Variants in CFAP92 observed in about 807,000 individuals in gnomAD.
The protein encoded by CFAP92 is cilia and flagella associated protein 92 (putative).
A neutral mutation model predicts 106.3 loss-of-function variants in CFAP92; 86 were observed. That is an observed-to-expected ratio of 0.81 (90% CI 0.68 to 0.97). The LOEUF (loss-of-function observed/expected upper bound fraction) is 0.97. Among genes scored for constraint, CFAP92 ranks in the 50% least tolerant of loss-of-function variants. The pLI is 0.00. For missense variants in CFAP92, 1,204 were observed against 1,283.8 expected (o/e 0.94, Z 0.95); for synonymous variants, 477 against 506.4 (o/e 0.94, Z 0.78).
the CFAP92 span, among the ~76,000 whole-genome samples, chr3:129,022,164 C>T: frequency 6.6e-6 from 1 of 152,290 alleles, no homozygotes; most frequent in East Asian, 1.9e-4. Flanking sequence ...TCAAATATTA[C>T]CAGGGGCAGG....
intron 9 of CFAP92, among the ~76,000 whole-genome samples, chr3:128,957,176 T>C (rs1468362405): frequency 6.6e-6 from 1 of 152,130 alleles, no homozygotes; most frequent in African/African-American, 2.4e-5. Context: ...AAAAGAAGTC[T>C]TGGAACATTA....
intron 1 of CFAP92, chr3:129,002,166 C>T (rs763036432): frequency 3.4e-6 from 5 of 1,461,402 alleles, no homozygotes; most frequent in Non-Finnish European, 4.5e-6. Flanking sequence ...GCGCCGTCCG[C>T]GCCGCCGCCG....
intron 1 of CFAP92, chr3:129,002,489 C>G: frequency 7.7e-7 from 1 of 1,298,804 alleles, no homozygotes; most frequent in South Asian, 1.7e-5. Flanking sequence ...TGCCCCTGTT[C>G]CTCCCCATTC....
chr3:129,010,103 T>C, the CFAP92 span, among the ~76,000 whole-genome samples: 2 of 152,198 alleles, frequency 1.3e-5, no homozygotes, highest in Non-Finnish European at 2.9e-5. The surrounding 1 kb of genome is among the most constrained non-coding windows in gnomAD (Gnocchi z 4.3). Context: ...TCCTCAAAAC[T>C]GGAAGAAAGG....
upstream of CFAP92, among the ~76,000 whole-genome samples, chr3:128,994,396 C>T (rs998958256): frequency 2.6e-5 from 4 of 152,202 alleles, no homozygotes; most frequent in African/African-American, 9.6e-5. Context: ...CAGCTCCCAC[C>T]TCCCATTCTT....
chr3:129,004,225 G>C, upstream of CFAP92: 1 of 1,105,514 alleles, frequency 9.0e-7, no homozygotes, highest in Non-Finnish European at 1.2e-6. Flanking sequence ...TCCTTTGTCA[G>C]TTCTCCATTT....
chr3:128,918,940 A>ATTTTTTTTTTTTTTTTTTTTTTT (rs10573280), intron 12 of CFAP92, among the ~76,000 whole-genome samples: 3 of 105,872 alleles, frequency 2.8e-5, no homozygotes, highest in African/African-American at 3.8e-5. Context: ...CTCAGATTGG[A>ATTTTTTTTTTTTTTTTTTTTTTT]TTTTTTTTTT....
intron 9 of CFAP92, among the ~76,000 whole-genome samples, chr3:128,961,815 GAATT>G (rs1468212559): frequency 6.6e-6 from 1 of 152,170 alleles, no homozygotes; most frequent in East Asian, 1.9e-4. Flanking sequence ...CAACAGGATT[GAATT>G]AACCTCTCCT....
At chr3:128,943,729 G>A (rs1432063574) in intron 10 of CFAP92, among the ~76,000 whole-genome samples, 1 of 151,272 alleles carries the variant, frequency 6.6e-6, no homozygotes, top group Non-Finnish European at 1.5e-5. Context: ...TAGAGACAGG[G>A]TTTCACCATG....
chr3:129,002,370 C>T (rs1944830933), intron 1 of CFAP92: 1 of 1,485,824 alleles, frequency 6.7e-7, no homozygotes, highest in Non-Finnish European at 8.9e-7. Flanking sequence ...CGGGAGAGGG[C>T]TCGAACTAAA....
chr3:128,967,448 T>A (rs1942457236), intron 8 of CFAP92: 1 of 152,214 alleles, frequency 6.6e-6, no homozygotes, highest in African/African-American at 2.4e-5. Flanking sequence ...ACGCCTATAA[T>A]CCCAGCAGTT....
At position 128,915,670 on chromosome 3, in the gene CFAP92, A is replaced by C. The variant is rs962604684; in HGVS notation, c.2917-107T>G. On this transcript the variant is annotated intron_variant, in intron 13 of 15. Coordinates refer to ENST00000645291, the MANE Select transcript of CFAP92 (RefSeq NM_001394090.1). ...TGGGGGCATAATCATAGTTCCTGAC[A>C]ATGTAAATAGTGCATTGAGAGGAAA... The C allele has an allele frequency of 1.2e-5, 9 of 733,738 alleles. No homozygotes were observed. The African/African-American group carries it at 1.2e-4, about 10-fold the overall frequency. The allele number at this position is 733,738 out of a possible 1,614,324, so 45.5% of individuals were successfully genotyped here.
At chr3:128,993,930 G>A in intron 1 of CFAP92, 50 bp downstream of exon 1, 1 of 985,470 alleles carries the variant, frequency 1.0e-6, no homozygotes, top group Non-Finnish European at 1.2e-6. Flanking sequence ...GGGCTGCGGC[G>A]GCCGAGGTGG....
intron 12 of CFAP92, among the ~76,000 whole-genome samples, chr3:128,918,940 AT>A (rs10573280): frequency 0.19 from 20,590 of 105,742 alleles, 1,228 homozygotes; most frequent in East Asian, 0.41. Context: ...CTCAGATTGG[AT>A]TTTTTTTTTT....
intron 2 of CFAP92, chr3:128,991,759 C>T: frequency 4.0e-6 from 4 of 1,012,262 alleles, no homozygotes; most frequent in African/African-American, 1.7e-5. Context: ...GGTGCGCTCT[C>T]GGGGTTCCAA....
chr3:128,941,256 T>G (rs1465294834), intron 10 of CFAP92, among the ~76,000 whole-genome samples: 1 of 152,184 alleles, frequency 6.6e-6, no homozygotes, highest in Non-Finnish European at 1.5e-5. Flanking sequence ...AATTTTTATA[T>G]TCGATACCAC....
chr3:128,912,932 G>A, intron 15 of CFAP92: 1 of 524,278 alleles, frequency 1.9e-6, no homozygotes, highest in Non-Finnish European at 3.7e-6. Context: ...CCTCCAGGGT[G>A]TGAGGTGGGT....
chr3:128,978,287 C>T (rs1943292407), intron 4 of CFAP92, 102 bp from the exon 5 acceptor site: 1 of 1,179,992 alleles, frequency 8.5e-7, no homozygotes, highest in East Asian at 2.4e-5. Context: ...CGTTCGGTTT[C>T]AGACTACACT....
At chr3:128,952,308 A>AAT in intron 9 of CFAP92, among the ~76,000 whole-genome samples, 1 of 151,216 alleles carries the variant, frequency 6.6e-6, no homozygotes, top group Non-Finnish European at 1.5e-5. Context: ...TAAAATAAAA[A>AAT]TTAAGAAGGG....
Sources: allele counts gnomAD v4.1 joint callset (sites outside exome capture counted in the v4.1 genomes callset), GRCh38; gene constraint gnomAD v4.1.1; non-coding constraint Gnocchi (gnomAD v3.1); transcripts MANE v1.5; gene names NCBI Gene and HGNC (gene_info 2026-07-23, HGNC 2026-07-21).